PARP10: variants seen among roughly 807,000 people sequenced by gnomAD.
PARP10 encodes poly(ADP-ribose) polymerase family member 10.
A neutral mutation model predicts 82.4 loss-of-function variants in PARP10; 56 were observed. The observed-to-expected ratio is 0.68, with a 90% confidence interval of 0.55 to 0.85. The LOEUF is 0.85. PARP10 is among the 40% of genes least tolerant of loss of function. The probability of loss-of-function intolerance (pLI) is 0.00; values close to 1 mark genes in which losing one functional copy is unlikely to be tolerated. For synonymous variants in PARP10, 576 were observed against 601.1 expected, an observed-to-expected ratio of 0.96 and a Z score of 0.61; for missense variants, 1,227 against 1,379.4, an observed-to-expected ratio of 0.89 and a Z score of 1.75.
At chr8:144,000,081 C>A (rs1316193333) in intron 1 of PARP10, among the ~76,000 whole-genome samples, 1 of 152,166 alleles carries the variant, frequency 6.6e-6, no homozygotes, top group Non-Finnish European at 1.5e-5. Context: ...GAAGGTTATG[C>A]TCATCTCATA....
At position 143,983,147 on chromosome 8, in the gene PARP10, A is replaced by G; in HGVS notation, c.2422+20T>C. ...TAACCAGCCCACCCCACCGTCCCTC[A>G]GTCCAGGAGGTAGACTCACAGGTAG... On this transcript the variant is annotated intron_variant, in intron 8 of 10. Coordinates refer to ENST00000313028, the MANE Select transcript of PARP10 (RefSeq NM_032789.5). 6.2e-7 allele frequency: 1 copy of G among 1,611,712 alleles called. No individual in the cohort carries two copies. The highest frequency in any genetic ancestry group is 8.5e-7 in the Non-Finnish European group (1 of 1,178,348).
intron 1 of PARP10, among the ~76,000 whole-genome samples, chr8:144,006,352 G>A (rs1320872409): frequency 2.0e-5 from 3 of 152,216 alleles, no homozygotes; most frequent in Non-Finnish European, 2.9e-5. Context: ...ATCCCCACTC[G>A]ACAGATGAAG....
At chr8:143,994,633 A>G (rs1322020403), upstream of PARP10, among the ~76,000 whole-genome samples, 1 of 152,046 alleles carries the variant, frequency 6.6e-6, no homozygotes, top group African/African-American at 2.4e-5. Flanking sequence ...CAGTGCTGTC[A>G]TTGTTCACAG....
chr8:143,992,690 A>G, upstream of PARP10: 1 of 1,613,922 alleles, frequency 6.2e-7, no homozygotes, highest in Non-Finnish European at 8.5e-7. Flanking sequence ...TGTCACCTCC[A>G]GTTCCTCGCA....
Position 143,984,248 on chromosome 8 carries a change from G to C in PARP10, c.1642C>G (p.Arg548Gly). 6.2e-7 allele frequency: 1 copy of C among 1,613,948 alleles called. No individual in the cohort carries two copies. ...GTGTCCAACGTGGCTGTGGCCAGGC[G>C]CTCTGTCCCAAAGACACACTGGAAC... is the stretch of plus-strand genomic sequence containing the variant. The part of the protein sequence containing the change: ...AQFQCVFGTE[R>G]LATATLDTGL... Residue 548 changes from arginine to glycine, a missense_variant, in exon 6 of 11, where the codon CGC becomes GGC. By Grantham distance (125) the Arg-to-Gly change is moderately radical (BLOSUM62 -2). Transcript: ENST00000313028.
chr8:143,991,984 A>G (rs782203530), upstream of PARP10: 1 of 1,613,646 alleles, frequency 6.2e-7, no homozygotes, highest in Non-Finnish European at 8.5e-7. Context: ...GTCTGGACCT[A>G]CTATGTCTCC....
Position 143,984,018 on chromosome 8 carries a change from G to A in PARP10, c.1767C>T (p.Asp589=), listed in dbSNP as rs139367910. 84 of 1,517,946 alleles carry A rather than the reference G, an allele frequency of 5.5e-5. No individual in the cohort carries two copies. Among genetic ancestry groups the A allele is most frequent in the African/African-American group, 2.1e-4 (15 of 71,626 alleles). 94.0% of individuals were successfully genotyped at this position (1,517,946 alleles called of 1,614,324 possible). Residue 589 remains aspartate, a synonymous_variant, in exon 7 of 11, where the codon GAC becomes GAT. Coordinates refer to ENST00000313028, the MANE Select transcript of PARP10 (RefSeq NM_032789.5). ...CCCAGGGAGCCCTACCCAGGCTCAC[G>A]TCCTCCTGGTCACCACCTGTACTGT... ...TPDSTGGDQE[D]VSLEEVRELL... is the part of the protein sequence containing the mutation.
At chr8:143,993,166 G>GGA (rs1180222111), upstream of PARP10, 2 of 341,140 alleles carry the variant, frequency 5.9e-6, no homozygotes, top group Non-Finnish European at 1.1e-5. Flanking sequence ...CAGGTCCCGG[G>GGA]GAGAGGGATT....
At chr8:143,986,491 A>G (rs1554749425), upstream of PARP10, 4 of 1,476,102 alleles carry the variant, frequency 2.7e-6, 1 homozygote, top group South Asian at 2.3e-5. Context: ...GGGAGGGAGC[A>G]GCTGGGCCCT....
At chr8:143,987,936 C>A (rs1587463105), upstream of PARP10, among the ~76,000 whole-genome samples, 1 of 151,570 alleles carries the variant, frequency 6.6e-6, no homozygotes, top group South Asian at 2.1e-4. Context: ...CTGCCCCCTG[C>A]CCAGCTGCAC....
chr8:144,000,974 C>T (rs1159295069), intron 1 of PARP10, among the ~76,000 whole-genome samples: 1 of 139,148 alleles, frequency 7.2e-6, no homozygotes, highest in Admixed American at 7.9e-5. Context: ...AGTGCAGTGG[C>T]GCGATCTTGG....
chr8:143,984,185 G>C, intron 6 of PARP10, 25 bp downstream of exon 6: 1 of 1,601,510 alleles, frequency 6.2e-7, no homozygotes, highest in Non-Finnish European at 8.5e-7. Flanking sequence ...GAAAGGGGAG[G>C]GCAGGGGTGG....
chr8:143,993,046 C>T (rs945404431), upstream of PARP10: 4 of 568,218 alleles, frequency 7.0e-6, no homozygotes, highest in Non-Finnish European at 1.3e-5. Flanking sequence ...CCCTTTAGTC[C>T]TCCCGCCCCC....
intron 1 of PARP10, among the ~76,000 whole-genome samples, chr8:143,996,207 A>G (rs1377851704): frequency 3.3e-5 from 5 of 152,198 alleles, no homozygotes; most frequent in African/African-American, 9.7e-5. Flanking sequence ...GACACAGGTC[A>G]CTGACTATAT....
Position 143,985,182 on chromosome 8 carries a change from T to G in PARP10, c.820A>C (p.Lys274Gln). 6.2e-7 allele frequency: 1 copy of G among 1,614,126 alleles called. No individual in the cohort carries two copies. Among genetic ancestry groups the G allele is most frequent in the Non-Finnish European group, 8.5e-7 (1 of 1,180,008 alleles). ...HPSTQGPRAT[K>Q]HALLRTGGLV... ...CCTCCGGTCCTCAGGAGAGCATGCT[T>G]GGTAGCCCTAGGCCCCTGGGTGGAC... The change falls in exon 5 of 11, where the codon AAG (lysine) becomes CAG (glutamine). Residue 274 changes from lysine to glutamine, a missense_variant. Lys to Gln is a moderately conservative substitution (Grantham distance 53). Transcript: ENST00000313028.
At chr8:143,989,724 G>C (rs1202822747), upstream of PARP10, 1 of 152,258 alleles carries the variant, frequency 6.6e-6, no homozygotes, top group African/African-American at 2.4e-5. The surrounding 1 kb of genome is among the most constrained non-coding windows in gnomAD (Gnocchi z 4.3). Context: ...TTCTTGATTT[G>C]GGAGAGATCT....
At chr8:143,981,581 AGGT>A (rs1389896914) in intron 9 of PARP10, among the ~76,000 whole-genome samples, 26 of 13,996 alleles carry the variant, frequency 1.9e-3, no homozygotes, top group Admixed American at 7.1e-3. Context: ...TGAGTGGTGA[AGGT>A]GGTGGTGATG....
chr8:144,001,636 G>A (rs1012159662), intron 1 of PARP10, among the ~76,000 whole-genome samples: 5 of 152,102 alleles, frequency 3.3e-5, no homozygotes, highest in Non-Finnish European at 5.9e-5. Flanking sequence ...AACCCAGGAG[G>A]TAGAGGTAAC....
Position 143,984,311 on chromosome 8 carries a change from G to A in PARP10, c.1579C>T (p.Pro527Ser). The A allele has an allele frequency of 6.2e-7, 1 of 1,613,994 alleles. No homozygotes were observed. The highest frequency in any genetic ancestry group is 1.1e-5 in the South Asian group (1 of 91,088). The change falls in exon 6 of 11, where the codon CCA (proline) becomes TCA (serine). Residue 527 changes from proline (P) to serine (S), a missense_variant. Coordinates refer to ENST00000313028, the MANE Select transcript of PARP10 (RefSeq NM_032789.5). ...HPGSARFLLG[P>S]EGQHLLQGLE... The stretch of plus-strand genomic sequence containing the variant: ...CCCTGGAGAAGGTGCTGCCCTTCTG[G>A]GCCCAGGAGAAACCTGGCGCTGCCC...
Sources: allele counts gnomAD v4.1 joint callset (sites outside exome capture counted in the v4.1 genomes callset), GRCh38; gene constraint gnomAD v4.1.1; non-coding constraint Gnocchi (gnomAD v3.1); transcripts MANE v1.5; gene names NCBI Gene and HGNC (gene_info 2026-07-23, HGNC 2026-07-21).